Variants in CORIN observed in about 807,000 individuals in gnomAD.
CORIN encodes the protein corin, serine peptidase.
In CORIN, 117 loss-of-function variants were observed where a neutral mutation model predicts 125.3. That is an observed-to-expected ratio of 0.93 (90% confidence interval 0.80 to 1.09). The LOEUF (loss-of-function observed/expected upper bound fraction) is 1.09, where lower values mean the gene tolerates loss of function less well. CORIN is among the 50% of genes least tolerant of loss of function. The probability of loss-of-function intolerance (pLI) is 0.00; values close to 1 mark genes in which losing one functional copy is unlikely to be tolerated. For synonymous variants in CORIN, 450 were observed against 466.4 expected, an observed-to-expected ratio of 0.96 and a Z score of 0.45; for missense variants, 1,253 against 1,306.7, an observed-to-expected ratio of 0.96 and a Z score of 0.63.
chr4:47,710,642 C>T (rs1007934526), intron 5 of CORIN, among the ~76,000 whole-genome samples: 1 of 152,246 alleles, frequency 6.6e-6, no homozygotes, highest in African/African-American at 2.4e-5. Flanking sequence ...GCTACCATAC[C>T]TGCTGCTTCT....
intron 5 of CORIN, among the ~76,000 whole-genome samples, chr4:47,719,782 T>C (rs1458596953): frequency 2.6e-5 from 4 of 152,310 alleles, no homozygotes; most frequent in Middle Eastern, 3.4e-3. Context: ...TAATATTTCA[T>C]AATATCCTAT....
chr4:47,781,671 G>T (rs762498308), intron 3 of CORIN, among the ~76,000 whole-genome samples: 1 of 152,174 alleles, frequency 6.6e-6, no homozygotes, highest in South Asian at 2.1e-4. Context: ...AATCAACAAC[G>T]GTGGCTGGGC....
intron 16 of CORIN, among the ~76,000 whole-genome samples, chr4:47,626,987 GTTGTTGTTTTT>G (rs1210416132): frequency 3.2e-5 from 4 of 124,290 alleles, no homozygotes; most frequent in Admixed American, 2.8e-4. Context: ...TGTTGTTGTT[GTTGTTGTTTTT>G]TTTTTGATGA....
At chr4:47,764,719 G>A (rs1036034344) in intron 3 of CORIN, among the ~76,000 whole-genome samples, 1 of 152,154 alleles carries the variant, frequency 6.6e-6, no homozygotes, top group Non-Finnish European at 1.5e-5. Context: ...AGAGGGTTAT[G>A]TTAAAAATAG....
intron 9 of CORIN, among the ~76,000 whole-genome samples, chr4:47,675,420 C>T (rs1577812757): frequency 1.3e-5 from 2 of 152,070 alleles, no homozygotes; most frequent in South Asian, 4.1e-4. Context: ...AATTAATACA[C>T]AAAGCCTTGC....
chr4:47,796,385 A>C (rs1369414985), intron 2 of CORIN, among the ~76,000 whole-genome samples: 1 of 152,110 alleles, frequency 6.6e-6, no homozygotes, highest in East Asian at 1.9e-4. Context: ...TCTAAAATAG[A>C]TTCATAGAAG....
intron 5 of CORIN, among the ~76,000 whole-genome samples, chr4:47,719,396 A>G (rs1048404400): frequency 6.6e-6 from 1 of 152,222 alleles, no homozygotes; most frequent in Admixed American, 6.5e-5. Flanking sequence ...ATAAATGAAT[A>G]GTGCATAGTT....
intron 5 of CORIN, among the ~76,000 whole-genome samples, chr4:47,710,820 T>A (rs1045478659): frequency 1.3e-5 from 2 of 152,250 alleles, no homozygotes; most frequent in African/African-American, 2.4e-5. Flanking sequence ...GTGCCCCTGA[T>A]GCACACGCTA....
chr4:47,703,763 CT>C (rs1401325972), intron 5 of CORIN, among the ~76,000 whole-genome samples: 1 of 152,166 alleles, frequency 6.6e-6, no homozygotes, highest in Non-Finnish European at 1.5e-5. Flanking sequence ...TGAAAAACGC[CT>C]TTTGCTTAAA....
chr4:47,726,998 TA>T (rs1727621751), intron 5 of CORIN, among the ~76,000 whole-genome samples: 1 of 152,000 alleles, frequency 6.6e-6, no homozygotes, highest in African/African-American at 2.4e-5. Flanking sequence ...GAAAGAGTAA[TA>T]AACAGATATT....
chr4:47,602,413 G>A (rs1008164109), intron 20 of CORIN, among the ~76,000 whole-genome samples: 1 of 152,196 alleles, frequency 6.6e-6, no homozygotes, highest in Non-Finnish European at 1.5e-5. Flanking sequence ...GTCATCTACA[G>A]AGCCAAACTA....
chr4:47,832,445 C>CTTTTTTTTTTTT (rs1211972356), intron 1 of CORIN, among the ~76,000 whole-genome samples: 1 of 76,922 alleles, frequency 1.3e-5, no homozygotes, highest in African/African-American at 4.4e-5. Flanking sequence ...CTTTTCTTTT[C>CTTTTTTTTTTTT]TTTTTTTTTT....
At chr4:47,834,313 G>T (rs1560570627) in intron 1 of CORIN, among the ~76,000 whole-genome samples, 1 of 152,132 alleles carries the variant, frequency 6.6e-6, no homozygotes, top group African/African-American at 2.4e-5. Flanking sequence ...CAGCAGAGAT[G>T]AACCTAGAGG....
At chr4:47,811,095 T>C (rs931249983) in intron 1 of CORIN, among the ~76,000 whole-genome samples, 70 of 152,350 alleles carry the variant, frequency 4.6e-4, no homozygotes, top group African/African-American at 1.6e-3. Flanking sequence ...ATATCTCTCC[T>C]GAAATACTGC....
chr4:47,636,269 T>C (rs1257371117), intron 16 of CORIN, among the ~76,000 whole-genome samples: 2 of 152,192 alleles, frequency 1.3e-5, no homozygotes, highest in African/African-American at 2.4e-5. Context: ...TTATCTAACT[T>C]TAGATAAAGC....
At chr4:47,781,879 A>C (rs534442215) in intron 3 of CORIN, among the ~76,000 whole-genome samples, 1 of 152,084 alleles carries the variant, frequency 6.6e-6, no homozygotes. Flanking sequence ...CAGAGGTTGC[A>C]GTGAGCCGAG....
intron 5 of CORIN, among the ~76,000 whole-genome samples, chr4:47,714,076 T>G (rs568540657): frequency 2.0e-5 from 3 of 152,168 alleles, no homozygotes; most frequent in Non-Finnish European, 4.4e-5. Context: ...GCACCAGCTC[T>G]GCCTCTTACC....
intron 8 of CORIN, chr4:47,679,405 C>G (rs1251640802): frequency 6.6e-6 from 1 of 151,876 alleles, no homozygotes; most frequent in African/African-American, 2.4e-5. Context: ...ACCCTGTCAC[C>G]CAGGCTGGAG....
At chr4:47,681,743 A>G (rs1243512557) in intron 7 of CORIN, 1 of 152,224 alleles carries the variant, frequency 6.6e-6, no homozygotes, top group African/African-American at 2.4e-5. Context: ...GAGGTTCTTG[A>G]GAAAACTACA....
Sources: gnomAD v4.1 joint callset for allele counts (sites outside exome capture counted in the v4.1 genomes callset) on GRCh38, gnomAD v4.1.1 for gene constraint, MANE v1.5 for transcripts, NCBI Gene and HGNC (gene_info 2026-07-23, HGNC 2026-07-21) for gene names.